ANKRD50: variants seen among roughly 807,000 people sequenced by gnomAD.
ANKRD50 encodes ankyrin repeat domain 50, also known as ankyrin repeat domain-containing protein 50.
ANKRD50 carries 40 observed loss-of-function variants against 112.0 expected under a neutral mutation model. The observed-to-expected ratio is 0.36, with a 90% CI of 0.28 to 0.46. The LOEUF is 0.46. Among genes scored for constraint, ANKRD50 ranks in the 20% least tolerant of loss-of-function variants. The probability of loss-of-function intolerance (pLI) is 1.00; values close to 1 mark genes in which losing one functional copy is unlikely to be tolerated. For missense variants in ANKRD50, 1,487 were observed against 1,701.7 expected, an observed-to-expected ratio of 0.87 and a Z score of 2.22; for synonymous variants, 613 against 619.1, an observed-to-expected ratio of 0.99 and a Z score of 0.15.
rs1466894361 is a variant in ANKRD50 at position 124,710,528 on chromosome 4, T to C, written c.-17A>G. 6.3e-7 allele frequency: 1 copy of C among 1,597,722 alleles called. No homozygotes were observed. The highest frequency in any genetic ancestry group is 1.7e-5 in the Admixed American group (1 of 59,472). ...ATTAGTCATAACGGGTTTTTTATCT[T>C]CATTTGCTAGAGTCTGGATACATCA... On this transcript the variant is annotated 5_prime_UTR_variant, in exon 2 of 5. It removes the in-frame stop codon of an upstream open reading frame in the 5' UTR. Transcript: ENST00000504087.
At chr4:124,680,972 A>G (rs1724873923) in intron 2 of ANKRD50, among the ~76,000 whole-genome samples, 1 of 152,194 alleles carries the variant, frequency 6.6e-6, no homozygotes, top group Non-Finnish European at 1.5e-5. Context: ...GGGTATTATT[A>G]TAAATTGTGG....
chr4:124,677,324 G>A (rs1308010017), intron 3 of ANKRD50, among the ~76,000 whole-genome samples: 1 of 151,686 alleles, frequency 6.6e-6, no homozygotes, highest in Non-Finnish European at 1.5e-5. Flanking sequence ...AAGAATACAT[G>A]AACAAATATG....
At position 124,671,974 on chromosome 4, in the gene ANKRD50, TTC is replaced by T; in HGVS notation, c.1301_1302del (p.Arg434AsnfsTer27). ...KYLCNAAEGHRMLAMSYTCQA... is the reference protein window; with the variant it reads ...KYLCNAAEGHXMLAMSYTCQA... The stretch of plus-strand genomic sequence containing the variant: ...TGACAGGTATAACTCATAGCCAACA[TTC>T]TGTGTCCTTCTGCTGCATTACATAA... On this transcript the variant is annotated frameshift_variant, in exon 4 of 5. Transcript: ENST00000504087. LOFTEE classifies it high-confidence loss of function. 1 of 1,613,952 alleles carries T rather than the reference TTC, an allele frequency of 6.2e-7. No homozygotes were observed. The highest frequency in any genetic ancestry group is 8.5e-7 in the Non-Finnish European group (1 of 1,179,882).
chr4:124,671,752 T>G lies in ANKRD50; in HGVS notation c.1525A>C (p.Ser509Arg), dbSNP rs758263208. 2.5e-6 allele frequency: 4 copies of G among 1,613,934 alleles called. No individual in the cohort carries two copies. Among genetic ancestry groups the G allele is most frequent in the Non-Finnish European group, 2.5e-6 (3 of 1,179,868 alleles). The change falls in exon 4 of 5, where the codon AGT (serine) becomes CGT (arginine). Residue 509 changes from serine to arginine, a missense_variant. This residue lies in a region of ANKRD50 where 1,046 missense variants were observed against 1,269.5 expected (regional missense o/e 0.82). Transcript: ENST00000504087. Reference protein sequence around the residue: ...LLVKAGAHVNSEDDRTSCIVR... With the variant: ...LLVKAGAHVNREDDRTSCIVR... ...ATGCATGATGTGCGATCGTCTTCAC[T>G]GTTGACATGAGCCCCAGCTTTAACC...
At chr4:124,691,218 C>T (rs925156183) in intron 2 of ANKRD50, among the ~76,000 whole-genome samples, 2 of 152,046 alleles carry the variant, frequency 1.3e-5, no homozygotes, top group African/African-American at 2.4e-5. Context: ...ACAGGCCGGG[C>T]GTGGTGGCTC....
intron 2 of ANKRD50, among the ~76,000 whole-genome samples, chr4:124,690,438 A>G (rs374323157): frequency 1.3e-5 from 2 of 152,222 alleles, no homozygotes; most frequent in Non-Finnish European, 2.9e-5. Context: ...TTCTGAGAAA[A>G]GTCTTTTTTA....
intron 4 of ANKRD50, among the ~76,000 whole-genome samples, 162 bp downstream of exon 4, chr4:124,668,822 C>T (rs1382944211): frequency 6.6e-6 from 1 of 151,886 alleles, no homozygotes; most frequent in East Asian, 1.9e-4. Flanking sequence ...GTGCTAGAGG[C>T]AGGAGAATTC....
intron 2 of ANKRD50, among the ~76,000 whole-genome samples, chr4:124,681,743 T>C (rs1024266264): frequency 3.9e-5 from 6 of 152,214 alleles, no homozygotes; most frequent in African/African-American, 1.2e-4. Flanking sequence ...ACAGTGGAAA[T>C]TGAAGTCATT....
At chr4:124,692,703 A>C (rs1015282249) in intron 2 of ANKRD50, among the ~76,000 whole-genome samples, 1 of 152,166 alleles carries the variant, frequency 6.6e-6, no homozygotes, top group African/African-American at 2.4e-5. Flanking sequence ...TACAGCAAGA[A>C]GGTGCCATCT....
intron 2 of ANKRD50, among the ~76,000 whole-genome samples, chr4:124,685,929 T>G (rs1015785563): frequency 7.9e-5 from 12 of 152,180 alleles, no homozygotes; most frequent in Admixed American, 6.5e-4. Context: ...TATAACATGA[T>G]GTTTTGAAGT....
chr4:124,696,115 A>C (rs1309297125), intron 2 of ANKRD50, among the ~76,000 whole-genome samples: 1 of 152,132 alleles, frequency 6.6e-6, no homozygotes, highest in Non-Finnish European at 1.5e-5. Flanking sequence ...ACCATGACTA[A>C]TATGTTAAAG....
chr4:124,701,899 A>T (rs1029769090), intron 2 of ANKRD50, among the ~76,000 whole-genome samples: 1 of 152,202 alleles, frequency 6.6e-6, no homozygotes, highest in African/African-American at 2.4e-5. Flanking sequence ...AATTAAAATT[A>T]AAAAAGGCAA....
rs1430110316 is a variant in ANKRD50, at chr4:124,664,243, C to T, written c.*3275G>A. 6.9e-6 allele frequency: 1 copy of T among 145,156 alleles called. No homozygotes were observed. Among genetic ancestry groups the T allele is most frequent in the Non-Finnish European group, 1.5e-5 (1 of 65,948 alleles). The allele number at this position is 145,156 out of a possible 1,614,324, so 9.0% of individuals were successfully genotyped here. On this transcript the variant is annotated 3_prime_UTR_variant, in exon 5 of 5. Transcript: ENST00000504087. Reference sequence around the variant, plus strand: ...TGGTGTGATATAGTATATAATCAGTCACGGGGGGGAAAAGAACATTAAGTC... The same window carrying T: ...TGGTGTGATATAGTATATAATCAGTTACGGGGGGGAAAAGAACATTAAGTC...
At chr4:124,687,599 G>T (rs1725037761) in intron 2 of ANKRD50, among the ~76,000 whole-genome samples, 1 of 152,058 alleles carries the variant, frequency 6.6e-6, no homozygotes, top group African/African-American at 2.4e-5. Context: ...CTGAAGACTG[G>T]GAGAAAATAT....
intron 3 of ANKRD50, among the ~76,000 whole-genome samples, chr4:124,673,507 C>T (rs1321556754): frequency 6.6e-6 from 1 of 150,588 alleles, no homozygotes; most frequent in African/African-American, 2.4e-5. Flanking sequence ...CCTGAACAGC[C>T]ATGGTGGTGG....
chr4:124,712,205 G>A (rs970649618), intron 1 of ANKRD50, among the ~76,000 whole-genome samples: 1 of 152,000 alleles, frequency 6.6e-6, no homozygotes, highest in Non-Finnish European at 1.5e-5. Context: ...TGAAGGGGGA[G>A]GGGGTGACTG....
intron 1 of ANKRD50, among the ~76,000 whole-genome samples, chr4:124,711,786 G>A (rs543565584): frequency 1.1e-3 from 161 of 152,182 alleles, no homozygotes; most frequent in African/African-American, 3.9e-3. Context: ...AAACGATGGG[G>A]GATGACTGTT....
chr4:124,688,558 C>T (rs4833999), intron 2 of ANKRD50, among the ~76,000 whole-genome samples: 34,044 of 152,062 alleles, frequency 0.22, 3,893 homozygotes, highest in South Asian at 0.28. Flanking sequence ...TTCTTTGAAA[C>T]GCAAAAGACA....
chr4:124,685,792 T>A (rs909803618), intron 2 of ANKRD50, among the ~76,000 whole-genome samples: 1 of 146,538 alleles, frequency 6.8e-6, no homozygotes, highest in Non-Finnish European at 1.5e-5. Flanking sequence ...CTAGAGTTAG[T>A]TTTTCCCCCA....
Sources: gnomAD v4.1 joint callset for allele counts (sites outside exome capture counted in the v4.1 genomes callset) on GRCh38, gnomAD v4.1.1 for gene constraint, gnomAD v4.1.1 regional missense constraint, MANE v1.5 for transcripts, NCBI Gene and HGNC (gene_info 2026-07-23, HGNC 2026-07-21) for gene names.